The following TNFSF4 variants were observed in gnomAD, a reference collection of about 807,000 sequenced individuals.
The protein encoded by TNFSF4 is tumor necrosis factor ligand superfamily member 4.
In TNFSF4, 4 loss-of-function variants were observed where a neutral mutation model predicts 7.3. That is an observed-to-expected ratio of 0.55 (90% CI 0.27 to 1.25). TNFSF4 has a LOEUF of 1.25. Ranked by LOEUF, TNFSF4 falls within the 50% of genes most tolerant of loss-of-function variation. The pLI is 0.12. For synonymous variants in TNFSF4, 76 were observed against 83.7 expected (o/e 0.91, Z 0.50); for missense variants, 181 against 208.8 (o/e 0.87, Z 0.82).
At chr1:173,395,412 A>ATATATG in the TNFSF4 span, among the ~76,000 whole-genome samples, 1 of 129,588 alleles carries the variant, frequency 7.7e-6, no homozygotes, top group African/African-American at 2.8e-5. Context: ...ATATATATAT[A>ATATATG]TATATATGGA....
chr1:173,381,228 A>G, the TNFSF4 span, among the ~76,000 whole-genome samples: 2 of 151,714 alleles, frequency 1.3e-5, no homozygotes, highest in African/African-American at 4.9e-5. Context: ...GTGACTCCAA[A>G]ACCGCCGAGG....
the TNFSF4 span, among the ~76,000 whole-genome samples, chr1:173,293,283 C>T: frequency 6.6e-6 from 1 of 152,088 alleles, no homozygotes; most frequent in East Asian, 1.9e-4. Flanking sequence ...CCCCACAGAC[C>T]AACGGAACTG....
the TNFSF4 span, among the ~76,000 whole-genome samples, chr1:173,402,701 T>C: frequency 6.6e-6 from 1 of 152,214 alleles, no homozygotes; most frequent in Admixed American, 6.5e-5. Context: ...CTTAGGCACA[T>C]GGCAGAGAAG....
the TNFSF4 span, among the ~76,000 whole-genome samples, chr1:173,176,296 C>A: frequency 6.6e-6 from 1 of 152,048 alleles, no homozygotes; most frequent in East Asian, 1.9e-4. Context: ...AGAACCTGAA[C>A]TTACAGAAGG....
At chr1:173,376,498 G>A in the TNFSF4 span, among the ~76,000 whole-genome samples, 2 of 152,178 alleles carry the variant, frequency 1.3e-5, no homozygotes, top group African/African-American at 4.8e-5. Flanking sequence ...CTGGGCTTCT[G>A]GGTTGGGTGG....
the TNFSF4 span, among the ~76,000 whole-genome samples, chr1:173,439,842 C>T: frequency 6.6e-6 from 1 of 152,044 alleles, no homozygotes; most frequent in African/African-American, 2.4e-5. Flanking sequence ...AATTCAGAGG[C>T]TTGGGGGGAA....
the TNFSF4 span, among the ~76,000 whole-genome samples, chr1:173,214,292 G>A: frequency 6.6e-6 from 1 of 152,154 alleles, no homozygotes; most frequent in East Asian, 1.9e-4. Context: ...GCTGGTATCC[G>A]AATCCAGCTT....
At chr1:173,239,135 C>T in the TNFSF4 span, among the ~76,000 whole-genome samples, 2 of 152,162 alleles carry the variant, frequency 1.3e-5, no homozygotes, top group Admixed American at 1.3e-4. Flanking sequence ...GCAACTTTCC[C>T]TTTCTTCCTT....
chr1:173,340,725 G>C, the TNFSF4 span, among the ~76,000 whole-genome samples: 2 of 150,644 alleles, frequency 1.3e-5, no homozygotes, highest in Admixed American at 6.6e-5. Context: ...TGATAAAGAG[G>C]GTTTTAGAAT....
chr1:173,328,582 A>G, the TNFSF4 span, among the ~76,000 whole-genome samples: 1 of 151,732 alleles, frequency 6.6e-6, no homozygotes, highest in Non-Finnish European at 1.5e-5. Flanking sequence ...AAAAAACCCT[A>G]GATGATGGGT....
the TNFSF4 span, among the ~76,000 whole-genome samples, chr1:173,441,562 T>C: frequency 2.0e-5 from 3 of 152,152 alleles, no homozygotes; most frequent in Admixed American, 6.5e-5. Context: ...AGGTGGAGGT[T>C]GCACTGAGCC....
At chr1:173,386,342 C>T in the TNFSF4 span, among the ~76,000 whole-genome samples, 16 of 152,292 alleles carry the variant, frequency 1.1e-4, no homozygotes, top group Admixed American at 3.9e-4. Context: ...TGAAAGTGCA[C>T]GGAGTTCAAG....
the TNFSF4 span, among the ~76,000 whole-genome samples, chr1:173,392,091 A>G: frequency 6.6e-6 from 1 of 152,178 alleles, no homozygotes; most frequent in Non-Finnish European, 1.5e-5. Flanking sequence ...GCAAAGGCTT[A>G]TGAGAGTCAG....
At chr1:173,398,400 ATTTCT>A in the TNFSF4 span, among the ~76,000 whole-genome samples, 2 of 121,256 alleles carry the variant, frequency 1.6e-5, no homozygotes, top group Non-Finnish European at 3.6e-5. Flanking sequence ...CCTCAGTGAT[ATTTCT>A]TTTCTTTTTT....
the TNFSF4 span, among the ~76,000 whole-genome samples, chr1:173,441,543 G>C: frequency 6.6e-6 from 1 of 152,154 alleles, no homozygotes; most frequent in Non-Finnish European, 1.5e-5. Flanking sequence ...AGAATCACTT[G>C]AACCCGGGAG....
rs1649185407 is a variant in TNFSF4, at chr1:173,185,523, G to C, written c.*993C>G. 1 of 152,124 alleles carries C rather than the reference G, an allele frequency of 6.6e-6. No individual in the cohort carries two copies. The highest frequency in any genetic ancestry group is 2.4e-5 in the African/African-American group (1 of 41,428). 9.4% of individuals were successfully genotyped at this position (152,124 alleles called of 1,614,324 possible). ...GACATCAGATTGAATTTGATAATAG[G>C]ATCACCTCATTTCTTGAAACCAGCA... is the stretch of plus-strand genomic sequence containing the variant. On this transcript the variant is annotated 3_prime_UTR_variant, in exon 3 of 3. Transcript: ENST00000281834.
chr1:173,207,264 A>G lies in TNFSF4; in HGVS notation c.-88T>C. 5.3e-6 allele frequency: 7 copies of G among 1,321,442 alleles called. No individual in the cohort carries two copies. The highest frequency in any genetic ancestry group is 7.4e-6 in the Non-Finnish European group (7 of 950,118). The allele number at this position is 1,321,442 out of a possible 1,614,324, so 81.9% of individuals were successfully genotyped here. ...AGTTTTCCCCAGAAAGAAGGAGGTA[A>G]AGACAAAACAAAGCCTATCAATCAG... On this transcript the variant is annotated 5_prime_UTR_variant, in exon 1 of 3. Transcript: ENST00000281834.
chr1:173,412,958 C>T, the TNFSF4 span, among the ~76,000 whole-genome samples: 1 of 152,142 alleles, frequency 6.6e-6, no homozygotes, highest in Non-Finnish European at 1.5e-5. Flanking sequence ...AGGTCACATA[C>T]TCACTCCTGC....
chr1:173,193,101 G>A (rs1649551277), intron 1 of TNFSF4, among the ~76,000 whole-genome samples: 2 of 152,088 alleles, frequency 1.3e-5, no homozygotes, highest in Non-Finnish European at 2.9e-5. Flanking sequence ...CTGTACCTCA[G>A]AGAAACAATA....
Sources: allele counts gnomAD v4.1 joint callset (sites outside exome capture counted in the v4.1 genomes callset), GRCh38; gene constraint gnomAD v4.1.1; transcripts MANE v1.5; gene names NCBI Gene and HGNC (gene_info 2026-07-23, HGNC 2026-07-21).